NAV1: variants seen among roughly 807,000 people sequenced by gnomAD.
The protein encoded by NAV1 is pore membrane and/or filament interacting like protein 3.
A neutral mutation model predicts 175.2 loss-of-function variants in NAV1; 18 were observed. The observed-to-expected ratio is 0.10, with a 90% CI of 0.07 to 0.15. The LOEUF is 0.15. NAV1 is among the 10% of genes least tolerant of loss of function. The pLI, the probability that NAV1 is intolerant of heterozygous loss-of-function variation, is 1.00. For missense variants in NAV1, 1,731 were observed against 2,436.6 expected, an observed-to-expected ratio of 0.71 and a Z score of 6.10; for synonymous variants, 897 against 978.7, an observed-to-expected ratio of 0.92 and a Z score of 1.56.
At chr1:201,826,164 A>G (rs1679658402) in exon 30 of NAV1, 1 of 152,198 alleles carries the variant, frequency 6.6e-6, no homozygotes, top group African/African-American at 2.4e-5. Flanking sequence ...CCTGGAACTA[A>G]GTGTTTGGAG....
intron 1 of NAV1, among the ~76,000 whole-genome samples, chr1:201,567,996 C>T (rs988652613): frequency 5.3e-5 from 8 of 152,174 alleles, no homozygotes; most frequent in Non-Finnish European, 7.3e-5. Context: ...ATCTCCCCTT[C>T]GCCAAGACCC....
chr1:201,560,007 G>C (rs1666150712), intron 1 of NAV1, among the ~76,000 whole-genome samples: 2 of 152,190 alleles, frequency 1.3e-5, no homozygotes, highest in Admixed American at 1.3e-4. Context: ...GGGCAGTCCT[G>C]CACTGTGCGG....
chr1:201,649,272 G>A, exon 1 of NAV1: 2 of 1,613,170 alleles, frequency 1.2e-6, no homozygotes, highest in Non-Finnish European at 1.7e-6. Context: ...ATCGGACGAC[G>A]AGCTGCTCTC....
exon 30 of NAV1, chr1:201,825,367 A>C (rs1213487153): frequency 1.3e-5 from 2 of 152,124 alleles, no homozygotes; most frequent in African/African-American, 4.8e-5. Flanking sequence ...TTCCATGACA[A>C]CGTGTTCTCC....
chr1:201,684,233 A>G (rs1448688375), intron 1 of NAV1, among the ~76,000 whole-genome samples: 2 of 152,076 alleles, frequency 1.3e-5, no homozygotes, highest in East Asian at 3.9e-4. Context: ...CTTTAATGGG[A>G]GGAGGTTTAG....
intron 1 of NAV1, among the ~76,000 whole-genome samples, chr1:201,540,988 C>T (rs1410511224): frequency 1.3e-5 from 2 of 152,088 alleles, no homozygotes; most frequent in Non-Finnish European, 2.9e-5. Flanking sequence ...AAAGAGAACA[C>T]CAGGTGAAAG....
chr1:201,668,701 T>C (rs1243596511), intron 1 of NAV1, among the ~76,000 whole-genome samples: 3 of 152,026 alleles, frequency 2.0e-5, no homozygotes, highest in African/African-American at 4.8e-5. Flanking sequence ...ACCTCTGTAG[T>C]GTATAAAATT....
chr1:201,781,389 T>C (rs531636821), intron 5 of NAV1, 80 bp downstream of exon 9: 3 of 1,350,908 alleles, frequency 2.2e-6, no homozygotes, highest in South Asian at 3.0e-5. Context: ...CATTAACCCA[T>C]AGGATGATAG....
At chr1:201,752,719 C>T (rs935172155) in intron 3 of NAV1, among the ~76,000 whole-genome samples, 4 of 151,234 alleles carry the variant, frequency 2.6e-5, no homozygotes, top group African/African-American at 7.3e-5. Flanking sequence ...GACAGAGAGG[C>T]GAGGTAGGGA....
chr1:201,744,299 G>A (rs928507357), intron 3 of NAV1, among the ~76,000 whole-genome samples: 100 of 148,546 alleles, frequency 6.7e-4, no homozygotes, highest in Non-Finnish European at 1.3e-3. Flanking sequence ...GGAGCTGACG[G>A]CTATGTATGT....
At chr1:201,771,855 A>T (rs1337163414) in intron 3 of NAV1, among the ~76,000 whole-genome samples, 5 of 152,250 alleles carry the variant, frequency 3.3e-5, no homozygotes, top group Non-Finnish European at 7.3e-5. Context: ...TTGTATAGAT[A>T]GGGAATTTCA....
chr1:201,747,711 A>G (rs1035594036), intron 3 of NAV1, among the ~76,000 whole-genome samples: 1 of 152,212 alleles, frequency 6.6e-6, no homozygotes, highest in African/African-American at 2.4e-5. Flanking sequence ...ACATTATGCT[A>G]CACATTCATG....
At chr1:201,772,315 T>A (rs986577968) in intron 3 of NAV1, among the ~76,000 whole-genome samples, 1 of 152,212 alleles carries the variant, frequency 6.6e-6, no homozygotes, top group African/African-American at 2.4e-5. Flanking sequence ...AGGGCTTATG[T>A]CCACTGATGT....
intron 22 of NAV1, 108 bp downstream of exon 26, chr1:201,809,645 GTGA>G (rs1678564796): frequency 4.9e-6 from 5 of 1,020,322 alleles, no homozygotes; most frequent in Non-Finnish European, 7.4e-6. Flanking sequence ...GGGCAGTGGC[GTGA>G]TCACAGCTCA....
intron 3 of NAV1, among the ~76,000 whole-genome samples, chr1:201,735,050 G>T (rs1673052791): frequency 6.6e-6 from 1 of 152,122 alleles, no homozygotes; most frequent in African/African-American, 2.4e-5. Flanking sequence ...CCAGCTGTCT[G>T]ATTTGCTGCC....
chr1:201,747,919 T>G (rs112057760), intron 3 of NAV1, among the ~76,000 whole-genome samples: 17 of 152,322 alleles, frequency 1.1e-4, no homozygotes, highest in African/African-American at 3.8e-4. Flanking sequence ...GGGATCCTTC[T>G]TCCAGAACCC....
chr1:201,764,155 T>C lies in NAV1; in HGVS notation c.1227-16266T>C, dbSNP rs1443446605. On this transcript the variant is annotated intron_variant, in intron 3 of 29. Coordinates refer to ENST00000367296, the Ensembl canonical transcript of NAV1. ...CTGAATTGAAAACTAGCCTGAATCA[T>C]AGAGGTGGTCAATATCCAATGTAGT... 2.0e-5 allele frequency among the ~76,000 whole-genome samples: 3 copies of C among 152,176 alleles called. No individual in the cohort carries two copies. The East Asian group carries it at 5.8e-4, about 29-fold the overall frequency.
intron 2 of NAV1, among the ~76,000 whole-genome samples, chr1:201,641,050 C>T (rs979927175): frequency 2.6e-5 from 4 of 152,168 alleles, no homozygotes; most frequent in Admixed American, 6.5e-5. Context: ...GATTTGGCCT[C>T]AAGCGGGGCC....
intron 16 of NAV1, 116 bp downstream of exon 20, chr1:201,803,830 A>T: frequency 7.6e-7 from 1 of 1,310,278 alleles, no homozygotes; most frequent in Non-Finnish European, 1.0e-6. Flanking sequence ...TCTAACACTG[A>T]GCCCTAGTGT....
Sources: allele counts gnomAD v4.1 joint callset (sites outside exome capture counted in the v4.1 genomes callset), GRCh38; gene constraint gnomAD v4.1.1; transcripts MANE v1.5; gene names NCBI Gene and HGNC (gene_info 2026-07-23, HGNC 2026-07-21).